SORBS2: variants seen among roughly 807,000 people sequenced by gnomAD.
SORBS2 encodes the protein sorbin and SH3 domain-containing protein 2.
Under a neutral mutation model 97.7 loss-of-function variants are expected in SORBS2, and 46 were observed. That is an observed-to-expected ratio of 0.47 (90% CI 0.37 to 0.60). SORBS2 has a LOEUF of 0.60. Among genes scored for constraint, SORBS2 ranks in the 20% least tolerant of loss-of-function variants. The pLI is 0.00. For missense variants in SORBS2, 1,316 were observed against 1,282.3 expected (o/e 1.03, Z -0.40); for synonymous variants, 476 against 473.4 (o/e 1.01, Z -0.07).
intron 2 of SORBS2, among the ~76,000 whole-genome samples, chr4:185,741,701 C>T (rs2098728314): frequency 6.6e-6 from 1 of 151,996 alleles, no homozygotes; most frequent in Non-Finnish European, 1.5e-5. Context: ...GCTCTTGTGG[C>T]CCTGCTTGAA....
intron 2 of SORBS2, among the ~76,000 whole-genome samples, chr4:185,766,889 T>A (rs979405194): frequency 7.2e-5 from 11 of 152,218 alleles, no homozygotes; most frequent in Admixed American, 5.2e-4. Context: ...AATCTCTTTT[T>A]TTTTCAGGCA....
chr4:185,748,254 G>A (rs905966151), intron 2 of SORBS2, among the ~76,000 whole-genome samples: 1 of 152,158 alleles, frequency 6.6e-6, no homozygotes, highest in African/African-American at 2.4e-5. Context: ...GTAAGTTGCA[G>A]CTCAGGGCCT....
At chr4:185,680,535 G>T (rs555525816) in intron 2 of SORBS2, among the ~76,000 whole-genome samples, 1 of 152,138 alleles carries the variant, frequency 6.6e-6, no homozygotes, top group East Asian at 1.9e-4. Context: ...TTTGGAATTT[G>T]GGAAAAAGCA....
chr4:185,610,447 A>G (rs1041107040), intron 12 of SORBS2, among the ~76,000 whole-genome samples: 1 of 152,170 alleles, frequency 6.6e-6, no homozygotes, highest in Non-Finnish European at 1.5e-5. Flanking sequence ...TCAAGCAAAC[A>G]AAATTGGATA....
At chr4:185,801,508 A>C (rs1010491884) in intron 1 of SORBS2, among the ~76,000 whole-genome samples, 27 of 152,306 alleles carry the variant, frequency 1.8e-4, no homozygotes, top group African/African-American at 6.3e-4. Context: ...GGTGATAGCC[A>C]TCCTAACAGG....
At chr4:185,823,285 G>A (rs1013914656) in intron 1 of SORBS2, among the ~76,000 whole-genome samples, 1 of 152,142 alleles carries the variant, frequency 6.6e-6, no homozygotes, top group African/African-American at 2.4e-5. Context: ...TAAATTGATT[G>A]AGACCTGTCT....
intron 1 of SORBS2, among the ~76,000 whole-genome samples, chr4:185,944,172 A>C (rs917502948): frequency 6.6e-6 from 1 of 152,188 alleles, no homozygotes; most frequent in African/African-American, 2.4e-5. Flanking sequence ...ACGGAAAGCC[A>C]AACGCTTATA....
chr4:185,678,995 A>G (rs1298525700), intron 2 of SORBS2, among the ~76,000 whole-genome samples, 173 bp from the exon 6 acceptor site: 2 of 152,170 alleles, frequency 1.3e-5, no homozygotes, highest in Non-Finnish European at 2.9e-5. Context: ...TTTTACTTCA[A>G]TTAGAATGTC....
At chr4:185,918,291 T>C (rs1354104512) in intron 1 of SORBS2, 3 of 152,224 alleles carry the variant, frequency 2.0e-5, no homozygotes, top group Non-Finnish European at 4.4e-5. Flanking sequence ...ATAATACAAC[T>C]AACTTTTTTT....
intron 1 of SORBS2, among the ~76,000 whole-genome samples, chr4:185,823,765 T>G (rs2153671213): frequency 6.6e-6 from 1 of 152,270 alleles, no homozygotes; most frequent in East Asian, 1.9e-4. Flanking sequence ...CAGAATAAAT[T>G]GGGCATCATG....
At chr4:185,634,126 A>G (rs566841323) in intron 4 of SORBS2, among the ~76,000 whole-genome samples, 1 of 152,292 alleles carries the variant, frequency 6.6e-6, no homozygotes, top group African/African-American at 2.4e-5. Context: ...TTTACCTTTT[A>G]TTTAATATAT....
Position 185,623,263 on chromosome 4 carries a change from A to G in SORBS2, c.1866T>C (p.Thr622=). ...CAGATGCTTTACATTTTGCCTTTTCAGTCTGTTTCTTAGGAGCCGAATTTT... is the reference window on the plus strand; with the variant it reads ...CAGATGCTTTACATTTTGCCTTTTCGGTCTGTTTCTTAGGAGCCGAATTTT... Residue 622 remains threonine (T), a synonymous_variant, in exon 7 of 15, where the codon ACT becomes ACC. Transcript: ENST00000418609. This position sits in a 1 kb window ranked among gnomAD's most constrained non-coding sequence, Gnocchi z 6.4. The G allele has an allele frequency of 1.2e-6, 2 of 1,614,088 alleles. No individual in the cohort carries two copies. Among genetic ancestry groups the G allele is most frequent in the Non-Finnish European group, 1.7e-6 (2 of 1,180,012 alleles).
chr4:185,677,468 C>T (rs554056206), intron 4 of SORBS2: 25 of 1,551,854 alleles, frequency 1.6e-5, no homozygotes, highest in Admixed American at 1.2e-4. Context: ...TTGTCTGTCT[C>T]GAATCTTCAT....
chr4:185,640,271 G>A (rs964001975), intron 4 of SORBS2, among the ~76,000 whole-genome samples: 3 of 152,118 alleles, frequency 2.0e-5, no homozygotes, highest in East Asian at 1.9e-4. Flanking sequence ...ATCTAACCAC[G>A]CACCTGTACA....
At chr4:185,638,903 G>C (rs1394357893) in intron 4 of SORBS2, 2 of 1,484,898 alleles carry the variant, frequency 1.3e-6, no homozygotes, top group Admixed American at 2.8e-5. Flanking sequence ...GCCGGGGCGC[G>C]CGAGCTTGGT....
chr4:185,687,087 G>A (rs1167632571), intron 2 of SORBS2, among the ~76,000 whole-genome samples: 1 of 152,150 alleles, frequency 6.6e-6, no homozygotes, highest in Non-Finnish European at 1.5e-5. Context: ...CTGTTGCCCA[G>A]GCTGGAGTGT....
chr4:185,858,240 G>A (rs4342223), intron 1 of SORBS2, among the ~76,000 whole-genome samples: 145,539 of 152,236 alleles, frequency 0.96, 69,948 homozygotes, highest in East Asian at 1. Context: ...GGTTCCCCCA[G>A]TAGTTGGCTT....
chr4:185,620,022 T>C (rs751289060), intron 8 of SORBS2, 41 bp downstream of exon 20: 6 of 1,198,102 alleles, frequency 5.0e-6, no homozygotes, highest in South Asian at 1.2e-5. Context: ...CTGTATCAAG[T>C]GTGTTGCTGT....
intron 2 of SORBS2, among the ~76,000 whole-genome samples, chr4:185,705,522 G>A (rs935860275): frequency 1.6e-4 from 24 of 151,832 alleles, no homozygotes; most frequent in African/African-American, 3.6e-4. Flanking sequence ...CTCCAGCCTG[G>A]CGACAGAGCA....
Sources: allele counts gnomAD v4.1 joint callset (sites outside exome capture counted in the v4.1 genomes callset), GRCh38; gene constraint gnomAD v4.1.1; non-coding constraint Gnocchi (gnomAD v3.1); transcripts MANE v1.5; gene names NCBI Gene and HGNC (gene_info 2026-07-23, HGNC 2026-07-21).